Variants in HDAC4 observed in about 807,000 individuals in gnomAD.
HDAC4 encodes histone deacetylase A.
Under a neutral mutation model 135.1 loss-of-function variants are expected in HDAC4, and 16 were observed. The observed-to-expected ratio is 0.12, with a 90% confidence interval of 0.08 to 0.18. The LOEUF (loss-of-function observed/expected upper bound fraction) is 0.18, where lower values mean the gene tolerates loss of function less well. Ranked by LOEUF, HDAC4 falls within the 10% of genes least tolerant of loss-of-function variation. HDAC4 has a pLI of 1.00. For synonymous variants in HDAC4, 685 were observed against 653.4 expected (o/e 1.05, Z -0.74); for missense variants, 1,143 against 1,511.8 (o/e 0.76, Z 4.05).
At chr2:239,171,267 C>T (rs543654433) in intron 5 of HDAC4, among the ~76,000 whole-genome samples, 315 of 150,434 alleles carry the variant, frequency 2.1e-3, no homozygotes, top group Middle Eastern at 3.5e-3. Context: ...AACTGCACTA[C>T]GTGCAGAAAA....
At chr2:239,062,011 C>T (rs2032815902) in intron 24 of HDAC4, among the ~76,000 whole-genome samples, 1 of 152,248 alleles carries the variant, frequency 6.6e-6, no homozygotes, top group Non-Finnish European at 1.5e-5. Context: ...CCGTGGCCGT[C>T]TGGTGCAGGG....
At chr2:239,336,738 C>T (rs1691964634) in intron 2 of HDAC4, among the ~76,000 whole-genome samples, 2 of 152,246 alleles carry the variant, frequency 1.3e-5, no homozygotes, top group African/African-American at 2.4e-5. Flanking sequence ...CGATTATTAG[C>T]ATCCTACCTT....
chr2:239,289,190 C>T (rs1409116894), intron 2 of HDAC4, among the ~76,000 whole-genome samples: 1 of 152,174 alleles, frequency 6.6e-6, no homozygotes, highest in South Asian at 2.1e-4. Context: ...TGAAACTGAT[C>T]CCCACCCTGC....
At chr2:239,230,368 C>CAAAA (rs56105562) in intron 3 of HDAC4, among the ~76,000 whole-genome samples, 166 of 79,252 alleles carry the variant, frequency 2.1e-3, no homozygotes, top group Non-Finnish European at 2.4e-3. Context: ...AGCAAGCAAG[C>CAAAA]AAAAAAAAAA....
chr2:239,193,022 T>A (rs1463248513), intron 3 of HDAC4, among the ~76,000 whole-genome samples: 1 of 152,224 alleles, frequency 6.6e-6, no homozygotes, highest in East Asian at 1.9e-4. Flanking sequence ...CAGAGACATT[T>A]TAGCTTGAAC....
chr2:239,143,833 G>T (rs1436761306), intron 8 of HDAC4, among the ~76,000 whole-genome samples: 1 of 152,232 alleles, frequency 6.6e-6, no homozygotes, highest in African/African-American at 2.4e-5. Flanking sequence ...TGGCCTTCAA[G>T]TTGAACACTT....
intron 2 of HDAC4, among the ~76,000 whole-genome samples, chr2:239,271,621 A>C (rs1368367320): frequency 6.6e-6 from 1 of 152,076 alleles, no homozygotes. Context: ...TCGGGTAGAC[A>C]CTGTCGTCAT....
intron 6 of HDAC4, chr2:239,161,685 T>C (rs1051596445): frequency 3.9e-5 from 12 of 305,224 alleles, no homozygotes; most frequent in African/African-American, 1.1e-4. Context: ...TGAGAAGAAG[T>C]ACCTCCGGCC....
intron 3 of HDAC4, among the ~76,000 whole-genome samples, chr2:239,225,148 A>G (rs1255660138): frequency 6.6e-6 from 1 of 152,256 alleles, no homozygotes; most frequent in African/African-American, 2.4e-5. Flanking sequence ...ACCAAAAAGC[A>G]AATTTCAAAA....
intron 7 of HDAC4, among the ~76,000 whole-genome samples, chr2:239,153,493 C>A (rs935832981): frequency 2.6e-5 from 4 of 152,080 alleles, no homozygotes; most frequent in Non-Finnish European, 5.9e-5. Context: ...TGAGCGATGT[C>A]ATGTGTTTGA....
intron 9 of HDAC4, among the ~76,000 whole-genome samples, 184 bp from the exon 10 acceptor site, chr2:239,134,827 C>A (rs936893626): frequency 3.9e-5 from 6 of 152,216 alleles, no homozygotes; most frequent in Non-Finnish European, 8.8e-5. Flanking sequence ...CATGAAAGCA[C>A]AATTCACCAC....
intron 2 of HDAC4, among the ~76,000 whole-genome samples, chr2:239,241,736 G>A (rs761676173): frequency 2.6e-5 from 4 of 152,074 alleles, no homozygotes; most frequent in African/African-American, 7.2e-5. Context: ...GTTTGTATAC[G>A]CTATGAGACA....
At chr2:239,297,330 T>G (rs578121207) in intron 2 of HDAC4, among the ~76,000 whole-genome samples, 2 of 152,244 alleles carry the variant, frequency 1.3e-5, no homozygotes, top group East Asian at 3.9e-4. Context: ...CCAGAAAGGG[T>G]CCCATGCTGT....
chr2:239,056,084 T>G (rs987216702), intron 24 of HDAC4, among the ~76,000 whole-genome samples: 4 of 152,288 alleles, frequency 2.6e-5, no homozygotes, highest in Admixed American at 2.6e-4. Context: ...ACAGCTACTA[T>G]CGACAGTGGC....
intron 2 of HDAC4, among the ~76,000 whole-genome samples, chr2:239,260,334 A>C (rs115587274): frequency 6.6e-6 from 1 of 152,326 alleles, no homozygotes; most frequent in South Asian, 2.1e-4. Context: ...GTCAGATCTT[A>C]GGCAAGTTTT....
At chr2:239,333,088 A>C (rs914175473) in intron 2 of HDAC4, among the ~76,000 whole-genome samples, 2 of 152,194 alleles carry the variant, frequency 1.3e-5, no homozygotes, top group African/African-American at 4.8e-5. Flanking sequence ...GAAAACTCCA[A>C]GATAAGTTCA....
At chr2:239,242,599 T>C (rs2048252726) in intron 2 of HDAC4, among the ~76,000 whole-genome samples, 2 of 152,234 alleles carry the variant, frequency 1.3e-5, no homozygotes, top group Non-Finnish European at 2.9e-5. Context: ...TAATGACAGT[T>C]GTTTCCACCT....
Position 239,240,201 on chromosome 2 carries a change from C to CCAGCG in HDAC4, c.23-3538_23-3537insCGCTG, listed in dbSNP as rs1265588419. On this transcript the variant is annotated intron_variant, in intron 2 of 26. Transcript: ENST00000543185. The surrounding 1 kb of genome is among the most constrained non-coding windows in gnomAD (Gnocchi z 4.5). Reference sequence around the variant, plus strand: ...GTGCACTTTGCAGGCGCAGGGGCCACCAGGCCTGGGAAAGACAGCTTTGGA... The same window carrying CCAGCG: ...GTGCACTTTGCAGGCGCAGGGGCCACCAGCGCAGGCCTGGGAAAGACAGCTTTGGA... Among the ~76,000 whole-genome samples the CCAGCG allele has an allele frequency of 6.6e-6, 1 of 152,198 alleles. No individual in the cohort carries two copies. Among genetic ancestry groups the CCAGCG allele is most frequent in the Non-Finnish European group, 1.5e-5 (1 of 68,038 alleles).
chr2:239,389,575 C>G (rs1696061871), intron 1 of HDAC4, among the ~76,000 whole-genome samples: 1 of 152,132 alleles, frequency 6.6e-6, no homozygotes, highest in African/African-American at 2.4e-5. Flanking sequence ...CAGGATGGGG[C>G]CCACCCTGCC....
Sources: gnomAD v4.1 joint callset for allele counts (sites outside exome capture counted in the v4.1 genomes callset) on GRCh38, gnomAD v4.1.1 for gene constraint, Gnocchi (gnomAD v3.1) non-coding constraint, MANE v1.5 for transcripts, NCBI Gene and HGNC (gene_info 2026-07-23, HGNC 2026-07-21) for gene names.